The following KHDRBS2 variants were observed in gnomAD, a reference collection of about 807,000 sequenced individuals.
The protein encoded by KHDRBS2 is KH RNA binding domain containing, signal transduction associated 2, also known as KH domain-containing, RNA-binding, signal transduction-associated protein 2.
KHDRBS2 carries 26 observed loss-of-function variants against 44.3 expected under a neutral mutation model. The observed-to-expected ratio is 0.59, with a 90% CI of 0.43 to 0.81. KHDRBS2 has a LOEUF of 0.81. Ranked by LOEUF, KHDRBS2 falls within the 40% of genes least tolerant of loss-of-function variation. KHDRBS2 has a pLI of 0.00. For missense variants in KHDRBS2, 476 were observed against 433.1 expected, an observed-to-expected ratio of 1.10 and a Z score of -0.88; for synonymous variants, 194 against 151.1, an observed-to-expected ratio of 1.28 and a Z score of -2.08.
chr6:61,558,886 G>A, the KHDRBS2 span, among the ~76,000 whole-genome samples: 1 of 152,132 alleles, frequency 6.6e-6, no homozygotes, highest in Non-Finnish European at 1.5e-5. Flanking sequence ...AGGAATATGT[G>A]TTCTGCAGCC....
intron 4 of KHDRBS2, among the ~76,000 whole-genome samples, chr6:61,948,598 G>A (rs1201459997): frequency 6.6e-6 from 1 of 151,274 alleles, no homozygotes; most frequent in Non-Finnish European, 1.5e-5. Context: ...TTGCCATAAA[G>A]CAACATTGTG....
At chr6:61,611,793 G>A in the KHDRBS2 span, among the ~76,000 whole-genome samples, 1 of 152,268 alleles carries the variant, frequency 6.6e-6, no homozygotes, top group East Asian at 1.9e-4. Flanking sequence ...ACTGAGCATA[G>A]TACCCATTAG....
the KHDRBS2 span, among the ~76,000 whole-genome samples, chr6:61,592,826 A>C: frequency 6.6e-6 from 1 of 152,196 alleles, no homozygotes; most frequent in African/African-American, 2.4e-5. Flanking sequence ...TAGGACCAGC[A>C]GCCAAATCTT....
At chr6:61,864,391 A>G (rs1484786390) in intron 6 of KHDRBS2, among the ~76,000 whole-genome samples, 2 of 152,130 alleles carry the variant, frequency 1.3e-5, no homozygotes, top group Non-Finnish European at 2.9e-5. Flanking sequence ...ATACTTCAGC[A>G]TGTTTTTGTA....
chr6:61,641,841 A>C, the KHDRBS2 span, among the ~76,000 whole-genome samples: 70 of 152,338 alleles, frequency 4.6e-4, no homozygotes, highest in African/African-American at 1.6e-3. Context: ...TGCTTTCACA[A>C]ATTGAAACAT....
chr6:62,072,640 C>T (rs1426457003), intron 2 of KHDRBS2, among the ~76,000 whole-genome samples: 1 of 152,068 alleles, frequency 6.6e-6, no homozygotes, highest in Non-Finnish European at 1.5e-5. Flanking sequence ...TGCTGGATTA[C>T]ATTTATTGAT....
At position 62,249,454 on chromosome 6, in the gene KHDRBS2, A is replaced by G. The variant is rs548537714; in HGVS notation, c.91+36404T>C. Among the ~76,000 whole-genome samples, 9 of 152,158 alleles carry G rather than the reference A, an allele frequency of 5.9e-5. No individual in the cohort carries two copies. In the South Asian group the frequency reaches 6.2e-4, roughly 11 times the overall value. ...CTAAAGGATATTCATCATAAATCACATATATTAATGTACCAAAATCTTGTC... is the reference window on the plus strand; with the variant it reads ...CTAAAGGATATTCATCATAAATCACGTATATTAATGTACCAAAATCTTGTC... On this transcript the variant is annotated intron_variant, in intron 1 of 8. Transcript: ENST00000281156.
chr6:61,741,929 T>C (rs1166192511), intron 6 of KHDRBS2, among the ~76,000 whole-genome samples: 2 of 152,004 alleles, frequency 1.3e-5, no homozygotes, highest in Non-Finnish European at 2.9e-5. Flanking sequence ...TTATTTTCAT[T>C]TGGATTTTAT....
chr6:61,562,574 A>G, the KHDRBS2 span, among the ~76,000 whole-genome samples: 1 of 152,148 alleles, frequency 6.6e-6, no homozygotes, highest in Admixed American at 6.6e-5. Flanking sequence ...CCTTTAGGAA[A>G]CCAGATAGGC....
rs748271919 is a variant in KHDRBS2, at chr6:61,978,188, C to T, written c.361G>A (p.Glu121Lys). ...TCACTCAAGTGGGCATATTTGGCTTCCCCACTCTTCCTTAGTTCTTCTTCC... is the reference window on the plus strand; with the variant it reads ...TCACTCAAGTGGGCATATTTGGCTTTCCCACTCTTCCTTAGTTCTTCTTCC... ...AKEEELRKSG[E>K]AKYAHLSDEL... The change falls in exon 4 of 9, where the codon GAA becomes AAA. Residue 121 changes from glutamate (E) to lysine (K), a missense_variant. Glu to Lys is a moderately conservative substitution (Grantham distance 56). Coordinates refer to ENST00000281156, the MANE Select transcript of KHDRBS2 (RefSeq NM_152688.4). The T allele has an allele frequency of 1.9e-6, 3 of 1,605,852 alleles. No homozygotes were observed. The highest frequency in any genetic ancestry group is 2.5e-6 in the Non-Finnish European group (3 of 1,176,938).
intron 6 of KHDRBS2, among the ~76,000 whole-genome samples, chr6:61,773,539 A>T (rs2127577846): frequency 6.6e-6 from 1 of 151,368 alleles, no homozygotes; most frequent in African/African-American, 2.4e-5. Context: ...GATTCTGGAT[A>T]TTAGCCCTTT....
chr6:61,688,516 T>A (rs1767052392), intron 8 of KHDRBS2, among the ~76,000 whole-genome samples: 1 of 151,900 alleles, frequency 6.6e-6, no homozygotes, highest in Admixed American at 6.6e-5. Context: ...AGAATTCCAA[T>A]ACTCCCTTTA....
At chr6:62,084,196 G>A (rs1289694945) in intron 2 of KHDRBS2, among the ~76,000 whole-genome samples, 1 of 151,978 alleles carries the variant, frequency 6.6e-6, no homozygotes, top group Non-Finnish European at 1.5e-5. Flanking sequence ...GACTGAAGGA[G>A]GGGGGATGAA....
chr6:62,132,451 A>G (rs527441528), intron 2 of KHDRBS2, among the ~76,000 whole-genome samples: 85 of 152,292 alleles, frequency 5.6e-4, no homozygotes, highest in African/African-American at 2.0e-3. Flanking sequence ...AGAAATTCTA[A>G]GGATGGAGAC....
At chr6:61,697,150 G>C in intron 8 of KHDRBS2, 45 bp downstream of exon 8, 2 of 1,199,990 alleles carry the variant, frequency 1.7e-6, no homozygotes, top group Non-Finnish European at 2.5e-6. Flanking sequence ...GTCGGTGACT[G>C]ATGGATGTTC....
At chr6:61,688,050 TATC>T (rs556434499) in intron 8 of KHDRBS2, among the ~76,000 whole-genome samples, 283 of 151,980 alleles carry the variant, frequency 1.9e-3, no homozygotes, top group Middle Eastern at 0.01. Context: ...TATTTCTAAT[TATC>T]ATCCATTAAT....
At chr6:61,978,415 A>G (rs1260896322) in intron 3 of KHDRBS2, among the ~76,000 whole-genome samples, 2 of 152,176 alleles carry the variant, frequency 1.3e-5, no homozygotes, top group African/African-American at 4.8e-5. Flanking sequence ...TGTTTGAATG[A>G]TTTTAAAAAC....
chr6:61,877,070 A>G (rs1227811301), intron 6 of KHDRBS2, among the ~76,000 whole-genome samples: 15 of 152,072 alleles, frequency 9.9e-5, no homozygotes, highest in African/African-American at 3.6e-4. Flanking sequence ...TATTGTGTAT[A>G]GCCACTTTTG....
At chr6:61,623,501 T>C in the KHDRBS2 span, among the ~76,000 whole-genome samples, 1 of 152,166 alleles carries the variant, frequency 6.6e-6, no homozygotes, top group East Asian at 1.9e-4. Flanking sequence ...CTGTTGTCCA[T>C]GGAGTAATAG....
Sources: gnomAD v4.1 joint callset for allele counts (sites outside exome capture counted in the v4.1 genomes callset) on GRCh38, gnomAD v4.1.1 for gene constraint, MANE v1.5 for transcripts, NCBI Gene and HGNC (gene_info 2026-07-23, HGNC 2026-07-21) for gene names.